Variants in RPH3AL observed in about 807,000 individuals in gnomAD.
RPH3AL encodes rabphilin 3A like (without C2 domains).
RPH3AL carries 38 observed loss-of-function variants against 43.1 expected under a neutral mutation model. The ratio of observed to expected loss-of-function variants is 0.88; its 90% CI spans 0.68 to 1.15. The LOEUF is 1.15. Among genes scored for constraint, RPH3AL ranks in the 50% most tolerant of loss-of-function variants. The pLI is 0.00. For missense variants in RPH3AL, 462 were observed against 423.2 expected (o/e 1.09, Z -0.81); for synonymous variants, 189 against 176.3 (o/e 1.07, Z -0.57).
At position 253,688 on chromosome 17, in the gene RPH3AL, C is replaced by T. The variant is rs1373194513; in HGVS notation, c.439-6403G>A. ...TGTCCCTAGGAACGTTACTACCCTA[C>T]GTACTTCCTATGAGGGGAGCCGCAC... On this transcript the variant is annotated intron_variant, in intron 6 of 9. Transcript: ENST00000331302. Among the ~76,000 whole-genome samples the T allele has an allele frequency of 5.8e-5, 8 of 137,126 alleles. 2 individuals carry two copies. Among genetic ancestry groups the T allele is most frequent in the Admixed American group, 4.9e-4 (7 of 14,178 alleles). 90.0% of individuals were successfully genotyped at this position (137,126 alleles called of 152,430 possible).
At position 264,551 on chromosome 17, in the gene RPH3AL, G is replaced by A. The variant is rs1186456210; in HGVS notation, c.438+17217C>T. Among the ~76,000 whole-genome samples the A allele has an allele frequency of 6.6e-6, 1 of 152,070 alleles. No homozygotes were observed. The highest frequency in any genetic ancestry group is 1.5e-5 in the Non-Finnish European group (1 of 68,028). On this transcript the variant is annotated intron_variant, in intron 6 of 9. Transcript: ENST00000331302. This position sits in a 1 kb window ranked among gnomAD's most constrained non-coding sequence, Gnocchi z 4.8. ...GCCGTGCGCGCTGGATGGGGACTCA[G>A]AATCCGCACCGTGTGTGTGACCACT... is the stretch of plus-strand genomic sequence containing the variant.
At chr17:252,991 G>A (rs1247488085) in intron 6 of RPH3AL, among the ~76,000 whole-genome samples, 1 of 152,198 alleles carries the variant, frequency 6.6e-6, no homozygotes, top group Non-Finnish European at 1.5e-5. Context: ...CCGCCCTCCA[G>A]GAGGAAAAGC....
At chr17:271,283 T>G (rs2042457239) in intron 6 of RPH3AL, among the ~76,000 whole-genome samples, 1 of 152,220 alleles carries the variant, frequency 6.6e-6, no homozygotes, top group South Asian at 2.1e-4. Context: ...CCATATGAAC[T>G]TTAAAGTAGT....
rs375112712 is a variant in RPH3AL at position 279,400 on chromosome 17, C to A, written c.438+2368G>T. Among the ~76,000 whole-genome samples, 6 of 152,222 alleles carry A rather than the reference C, an allele frequency of 3.9e-5. No individual in the cohort carries two copies. In the East Asian group the frequency reaches 9.7e-4, roughly 25 times the overall value. ...TCTTTTAGAGGCTAAGTTTTATCAG[C>A]CTCTAAAAATTCAAGGGCAAAGTAA... On this transcript the variant is annotated intron_variant, in intron 6 of 9. Transcript: ENST00000331302.
intron 5 of RPH3AL, among the ~76,000 whole-genome samples, chr17:302,530 C>T (rs568093809): frequency 6.6e-6 from 1 of 152,316 alleles, no homozygotes. Flanking sequence ...AGCCACACTG[C>T]AGAGAGGGCC....
rs183431659 is a variant in RPH3AL at position 275,721 on chromosome 17, A to G, written c.438+6047T>C. ...GCCACTATACCTGGCTAATGTGGGG[A>G]TTTTTTGTAGAGAGGGTGTTTCACC... On this transcript the variant is annotated intron_variant, in intron 6 of 9. Transcript: ENST00000331302. Among the ~76,000 whole-genome samples, 5 of 152,096 alleles carry G rather than the reference A, an allele frequency of 3.3e-5. No homozygotes were observed. The East Asian group carries it at 9.7e-4, about 30-fold the overall frequency.
At chr17:321,494 C>A (rs1050226757) in intron 3 of RPH3AL, 79 bp from the exon 4 acceptor site, 1 of 1,422,716 alleles carries the variant, frequency 7.0e-7, no homozygotes, top group Admixed American at 2.5e-5. Flanking sequence ...CCACCAAGCC[C>A]CCCCGAGAAC....
chr17:230,845 G>T (rs1567567511), intron 7 of RPH3AL, among the ~76,000 whole-genome samples: 1 of 151,978 alleles, frequency 6.6e-6, no homozygotes, highest in African/African-American at 2.4e-5. Context: ...CTTGTTTTTT[G>T]TTGTTGTTGT....
At chr17:315,152 GTAGTCCCTGTGCCCCCACCTCCATTC>G in intron 5 of RPH3AL, among the ~76,000 whole-genome samples, 1 of 149,880 alleles carries the variant, frequency 6.7e-6, no homozygotes, top group Non-Finnish European at 1.5e-5. Context: ...CCATTGACCT[GTAGTCCCTGTGCCCCCACCTCCATTC>G]ACCTGTAGTC....
chr17:272,909 C>T (rs139250730), intron 6 of RPH3AL, among the ~76,000 whole-genome samples: 1,872 of 148,304 alleles, frequency 0.013, 18 homozygotes, highest in Non-Finnish European at 0.019. Flanking sequence ...CCAGTGGCGA[C>T]GTGAGATCCC....
intron 9 of RPH3AL, 77 bp from the exon 10 acceptor site, chr17:214,000 G>A (rs955688761): frequency 1.8e-6 from 2 of 1,139,552 alleles, no homozygotes; most frequent in Non-Finnish European, 1.3e-6. Flanking sequence ...CTCGGCCTTT[G>A]GGAATGAGAT....
chr17:293,857 C>T (rs539534426), intron 5 of RPH3AL, among the ~76,000 whole-genome samples: 3 of 152,144 alleles, frequency 2.0e-5, no homozygotes, highest in African/African-American at 7.2e-5. Flanking sequence ...GGCGAAACCC[C>T]GTCTCTACTA....
intron 5 of RPH3AL, among the ~76,000 whole-genome samples, chr17:316,781 C>CCACCTCCATTCACCTGTAGTCCCTGTGCT (rs1567514530): frequency 5.3e-5 from 6 of 112,514 alleles, no homozygotes; most frequent in East Asian, 2.5e-4. Flanking sequence ...TCCCTGTGCC[C>CCACCTCCATTCACCTGTAGTCCCTGTGCT]CCACCTCCAT....
rs1488137394 is a variant in RPH3AL, at chr17:274,424, G to A, written c.438+7344C>T. Among the ~76,000 whole-genome samples the A allele has an allele frequency of 1.8e-4, 28 of 152,234 alleles. No homozygotes were observed. Among genetic ancestry groups the A allele is most frequent in the Admixed American group, 1.8e-3 (28 of 15,280 alleles). On this transcript the variant is annotated intron_variant, in intron 6 of 9. Transcript: ENST00000331302. The surrounding 1 kb of genome is among the most constrained non-coding windows in gnomAD (Gnocchi z 4.7). Reference sequence around the variant, plus strand: ...GCACTTCAGGGCTGCCAGTTCCTGGGGCCACAGGGGCTGTCCTCCCTCCGC... The same window carrying A: ...GCACTTCAGGGCTGCCAGTTCCTGGAGCCACAGGGGCTGTCCTCCCTCCGC...
intron 1 of RPH3AL, chr17:352,468 G>A (rs2151741080): frequency 6.6e-6 from 1 of 152,170 alleles, no homozygotes; most frequent in South Asian, 2.1e-4. Context: ...AGCAGGACCT[G>A]CGGCACGAGG....
intron 6 of RPH3AL, among the ~76,000 whole-genome samples, chr17:265,701 C>A (rs1567598043): frequency 6.6e-6 from 1 of 152,234 alleles, no homozygotes; most frequent in Admixed American, 6.5e-5. Context: ...CAAACAACAT[C>A]TGAAAAGGGA....
In RPH3AL at chr17:333,532, A is replaced by C. The variant is rs1431213466; in HGVS notation, c.-37+227T>G. On this transcript the variant is annotated intron_variant, in intron 2 of 9. Transcript: ENST00000331302. The surrounding 1 kb of genome is among the most constrained non-coding windows in gnomAD (Gnocchi z 4.5). ...TTTAAACCACCTTGTGCTTTCCCACAGTATTAAAGTTCTTTAAAAATATGA... is the reference window on the plus strand; with the variant it reads ...TTTAAACCACCTTGTGCTTTCCCACCGTATTAAAGTTCTTTAAAAATATGA... The C allele has an allele frequency of 6.4e-6, 2 of 311,886 alleles. No homozygotes were observed. Among genetic ancestry groups the C allele is most frequent in the Admixed American group, 4.0e-5 (1 of 24,800 alleles). 19.3% of individuals were successfully genotyped at this position (311,886 alleles called of 1,614,324 possible). A position where few individuals can be genotyped will look rare whatever the true frequency, so the allele number is the denominator to read the frequency against.
At chr17:314,150 G>A (rs978929671) in intron 5 of RPH3AL, among the ~76,000 whole-genome samples, 1 of 152,190 alleles carries the variant, frequency 6.6e-6, no homozygotes, top group Non-Finnish European at 1.5e-5. Context: ...AGCCACACCA[G>A]CAGCGGCCTC....
At chr17:319,240 CT>C (rs1443749296) in intron 5 of RPH3AL, among the ~76,000 whole-genome samples, 179 bp downstream of exon 5, 2 of 152,218 alleles carry the variant, frequency 1.3e-5, no homozygotes, top group African/African-American at 4.8e-5. Context: ...AGACGCAGAG[CT>C]GGCCCTAGAC....
Sources: allele counts gnomAD v4.1 joint callset (sites outside exome capture counted in the v4.1 genomes callset), GRCh38; gene constraint gnomAD v4.1.1; non-coding constraint Gnocchi (gnomAD v3.1); transcripts MANE v1.5; gene names NCBI Gene and HGNC (gene_info 2026-07-23, HGNC 2026-07-21).